The following RCAN1 variants were observed in gnomAD, a reference collection of about 807,000 sequenced individuals.
RCAN1 encodes calcipressin-1.
In RCAN1, 11 loss-of-function variants were observed where a neutral mutation model predicts 22.9. The observed-to-expected ratio is 0.48, with a 90% CI of 0.30 to 0.79. The LOEUF is 0.79. Among genes scored for constraint, RCAN1 ranks in the 30% least tolerant of loss-of-function variants. The pLI is 0.06. For missense variants in RCAN1, 291 were observed against 337.8 expected (o/e 0.86, Z 1.09); for synonymous variants, 136 against 142.3 (o/e 0.96, Z 0.32).
In RCAN1 at chr21:34,518,936, G is replaced by A. The variant is rs548152356; in HGVS notation, c.587-680C>T. Among the ~76,000 whole-genome samples, 2 of 152,166 alleles carry A rather than the reference G, an allele frequency of 1.3e-5. No individual in the cohort carries two copies. The highest frequency in any genetic ancestry group is 2.4e-5 in the African/African-American group (1 of 41,434). On this transcript the variant is annotated intron_variant, in intron 3 of 3. Transcript: ENST00000313806. This position sits in a 1 kb window ranked among gnomAD's most constrained non-coding sequence, Gnocchi z 4.2. Reference sequence around the variant, plus strand: ...AGAGCTTTCTGCAACTGAAAAACCCGGCAATGTAGAATGAAGGGACTGGGG... The same window carrying A: ...AGAGCTTTCTGCAACTGAAAAACCCAGCAATGTAGAATGAAGGGACTGGGG...
At chr21:34,549,487 G>A (rs1006995231) in intron 1 of RCAN1, among the ~76,000 whole-genome samples, 4 of 152,154 alleles carry the variant, frequency 2.6e-5, no homozygotes, top group South Asian at 2.1e-4. Flanking sequence ...GGTGAATACC[G>A]AGGATCCCAA....
At chr21:34,589,469 G>A (rs898680757) in intron 1 of RCAN1, among the ~76,000 whole-genome samples, 1 of 152,178 alleles carries the variant, frequency 6.6e-6, no homozygotes, top group East Asian at 1.9e-4. Context: ...GGACATGATC[G>A]TTGAAAAAAT....
chr21:34,533,144 T>C (rs1012633286), intron 1 of RCAN1, among the ~76,000 whole-genome samples: 3 of 151,696 alleles, frequency 2.0e-5, no homozygotes, highest in African/African-American at 7.3e-5. Context: ...GTATTTTTAG[T>C]AGAGATGGGG....
intron 1 of RCAN1, among the ~76,000 whole-genome samples, chr21:34,569,514 C>T (rs1412237302): frequency 6.6e-6 from 1 of 152,184 alleles, no homozygotes; most frequent in Non-Finnish European, 1.5e-5. Context: ...ATGATAGCAT[C>T]TATGAGCTCA....
intron 1 of RCAN1, among the ~76,000 whole-genome samples, chr21:34,570,499 G>A (rs1987196102): frequency 6.6e-6 from 1 of 152,196 alleles, no homozygotes; most frequent in African/African-American, 2.4e-5. Context: ...CATGACTGAC[G>A]TCTTGAATTA....
At chr21:34,553,794 G>A (rs1986455280) in intron 1 of RCAN1, among the ~76,000 whole-genome samples, 1 of 152,150 alleles carries the variant, frequency 6.6e-6, no homozygotes, top group African/African-American at 2.4e-5. Context: ...CTCTACTTGT[G>A]ATGAAACAAA....
rs201432224 is a variant in RCAN1, at chr21:34,578,428, TC to T, written c.252+36331del. Among the ~76,000 whole-genome samples, 1,115 of 152,282 alleles carry T rather than the reference TC, an allele frequency of 7.3e-3. 16 individuals carry two copies. The highest frequency in any genetic ancestry group is 0.026 in the African/African-American group (1,073 of 41,558). ...CAGCCATCAGCCAGCATCAGCCAGA[TC>T]CCCTAGGAATCTGCATCAGAACAAA... On this transcript the variant is annotated intron_variant, in intron 1 of 3. Coordinates refer to ENST00000313806, the MANE Select transcript of RCAN1 (RefSeq NM_004414.7).
intron 1 of RCAN1, among the ~76,000 whole-genome samples, chr21:34,555,644 G>C (rs1986532834): frequency 6.6e-6 from 1 of 151,878 alleles, no homozygotes; most frequent in African/African-American, 2.4e-5. Flanking sequence ...GTGTGGGAAG[G>C]AGGATTCCAT....
At chr21:34,533,224 T>C (rs944751405) in intron 1 of RCAN1, among the ~76,000 whole-genome samples, 3 of 152,148 alleles carry the variant, frequency 2.0e-5, no homozygotes, top group African/African-American at 7.2e-5. Flanking sequence ...CCTCCCAAAG[T>C]GCTGGGATTA....
chr21:34,553,431 C>T (rs1986444327), intron 1 of RCAN1, among the ~76,000 whole-genome samples: 1 of 152,162 alleles, frequency 6.6e-6, no homozygotes, highest in Admixed American at 6.5e-5. Flanking sequence ...AAAGTCATGC[C>T]ACTTCCTGAT....
chr21:34,574,206 T>C (rs1221520065), intron 1 of RCAN1, among the ~76,000 whole-genome samples: 1 of 152,238 alleles, frequency 6.6e-6, no homozygotes, highest in African/African-American at 2.4e-5. Flanking sequence ...GAGTGGAAGT[T>C]GGACTGACAT....
chr21:34,593,750 G>T (rs894925962), intron 1 of RCAN1, among the ~76,000 whole-genome samples: 1 of 152,184 alleles, frequency 6.6e-6, no homozygotes, highest in African/African-American at 2.4e-5. Flanking sequence ...ATGGTTTCCG[G>T]AGTAGGAAAA....
intron 1 of RCAN1, among the ~76,000 whole-genome samples, chr21:34,581,133 G>A (rs925876753): frequency 1.3e-5 from 2 of 152,048 alleles, no homozygotes; most frequent in African/African-American, 4.8e-5. Context: ...ATGCCTTCTA[G>A]ACTGGAAAGT....
intron 3 of RCAN1, chr21:34,520,990 T>G: frequency 1.2e-6 from 1 of 850,878 alleles, no homozygotes; most frequent in Non-Finnish European, 1.5e-6. Flanking sequence ...GGCCCTGGGG[T>G]AGGGCAGCCC....
intron 1 of RCAN1, among the ~76,000 whole-genome samples, chr21:34,562,713 T>C (rs913663054): frequency 1.3e-5 from 2 of 152,240 alleles, no homozygotes; most frequent in African/African-American, 4.8e-5. Context: ...TGGTAAGTTA[T>C]TTGATCTCCA....
chr21:34,526,953 G>T, intron 1 of RCAN1: 2 of 1,375,326 alleles, frequency 1.5e-6, no homozygotes, highest in Non-Finnish European at 1.9e-6. Context: ...CTGCATGCTT[G>T]CAGGCAGACA....
chr21:34,597,144 C>T (rs913755097), intron 1 of RCAN1, among the ~76,000 whole-genome samples: 5 of 152,086 alleles, frequency 3.3e-5, no homozygotes, highest in South Asian at 2.1e-4. Flanking sequence ...CATGAATGAG[C>T]GAGGAACCCG....
intron 1 of RCAN1, among the ~76,000 whole-genome samples, chr21:34,554,158 C>T (rs991061504): frequency 3.3e-5 from 5 of 152,184 alleles, no homozygotes; most frequent in Non-Finnish European, 4.4e-5. Context: ...GGTTGCTTCT[C>T]ATACTCATCT....
intron 1 of RCAN1, among the ~76,000 whole-genome samples, chr21:34,527,854 TAAA>T (rs3831799): frequency 0.033 from 4,170 of 124,548 alleles, 125 homozygotes; most frequent in East Asian, 0.12. Flanking sequence ...AAACTAAATG[TAAA>T]AAAAAAAAAA....
Sources: gnomAD v4.1 joint callset for allele counts (sites outside exome capture counted in the v4.1 genomes callset) on GRCh38, gnomAD v4.1.1 for gene constraint, Gnocchi (gnomAD v3.1) non-coding constraint, MANE v1.5 for transcripts, NCBI Gene and HGNC (gene_info 2026-07-23, HGNC 2026-07-21) for gene names.